Variants in KIRREL3 observed in about 807,000 individuals in gnomAD.
KIRREL3 encodes kirre like nephrin family adhesion molecule 3.
KIRREL3 carries 36 observed loss-of-function variants against 89.7 expected under a neutral mutation model. The observed-to-expected ratio is 0.40, with a 90% CI of 0.31 to 0.53. The LOEUF (loss-of-function observed/expected upper bound fraction) is 0.53, where lower values mean the gene tolerates loss of function less well. Among genes scored for constraint, KIRREL3 ranks in the 20% least tolerant of loss-of-function variants. KIRREL3 has a pLI of 0.49. For missense variants in KIRREL3, 864 were observed against 1,056.6 expected (o/e 0.82, Z 2.53); for synonymous variants, 445 against 441.4 (o/e 1.01, Z -0.10).
intron 1 of KIRREL3, among the ~76,000 whole-genome samples, chr11:126,865,973 T>C (rs1944904754): frequency 6.6e-6 from 1 of 152,130 alleles, no homozygotes; most frequent in African/African-American, 2.4e-5. Flanking sequence ...GCCAGCCCAG[T>C]AGACACAGCC....
In KIRREL3 at chr11:126,445,028, C is replaced by G; in HGVS notation, c.1203G>C (p.Val401=). ...TCTCCCCGGCTCCCACACGGGGCAC[C>G]ACAGCCCGGCACACGTACTTGCCCG... is the stretch of plus-strand genomic sequence containing the variant. The part of the protein sequence containing the change: ...EDAGKYVCRA[V]VPRVGAGERE... The change falls in exon 10 of 17, where the codon GTG becomes GTC. Residue 401 remains valine, a synonymous_variant. Transcript: ENST00000525144. 6.2e-7 allele frequency: 1 copy of G among 1,613,956 alleles called. No individual in the cohort carries two copies. Among genetic ancestry groups the G allele is most frequent in the Non-Finnish European group, 8.5e-7 (1 of 1,179,884 alleles).
At chr11:126,988,151 C>T (rs536091461) in intron 1 of KIRREL3, among the ~76,000 whole-genome samples, 12 of 152,302 alleles carry the variant, frequency 7.9e-5, no homozygotes, top group African/African-American at 2.9e-4. Flanking sequence ...GCTCAACTCT[C>T]CCTAAGCAGA....
intron 1 of KIRREL3, among the ~76,000 whole-genome samples, chr11:126,681,101 A>G (rs577782390): frequency 6.6e-6 from 1 of 152,316 alleles, no homozygotes; most frequent in Non-Finnish European, 1.5e-5. Flanking sequence ...TGCAGCAATG[A>G]CTAAAGGGAC....
intron 11 of KIRREL3, among the ~76,000 whole-genome samples, chr11:126,439,164 AC>A (rs1412770685): frequency 1.3e-5 from 2 of 151,968 alleles, no homozygotes; most frequent in Non-Finnish European, 2.9e-5. Flanking sequence ...AACCTTATCT[AC>A]TAAAAATACA....
intron 1 of KIRREL3, among the ~76,000 whole-genome samples, chr11:126,971,796 T>TATTTTG (rs892067396): frequency 5.3e-5 from 8 of 152,140 alleles, no homozygotes; most frequent in African/African-American, 1.9e-4. Flanking sequence ...AAATCTTGCT[T>TATTTTG]ATTTTGATTC....
chr11:126,705,027 T>C lies in KIRREL3; in HGVS notation c.56-142115A>G, dbSNP rs1172871454. Among the ~76,000 whole-genome samples, 2 of 152,148 alleles carry C rather than the reference T, an allele frequency of 1.3e-5. No homozygotes were observed. The highest frequency in any genetic ancestry group is 2.9e-5 in the Non-Finnish European group (2 of 68,020). The stretch of plus-strand genomic sequence containing the variant: ...CAGAACTGTATTTGTGGGTGGTAAA[T>C]TTATATCTTACCCACTGAATATAGC... On this transcript the variant is annotated intron_variant, in intron 1 of 16. Coordinates refer to ENST00000525144, the MANE Select transcript of KIRREL3 (RefSeq NM_032531.4). This position sits in a 1 kb window ranked among gnomAD's most constrained non-coding sequence, Gnocchi z 4.3.
At chr11:126,885,747 C>T (rs1186373132) in intron 1 of KIRREL3, among the ~76,000 whole-genome samples, 1 of 152,150 alleles carries the variant, frequency 6.6e-6, no homozygotes, top group Non-Finnish European at 1.5e-5. Flanking sequence ...GGCTGGCTCC[C>T]GAGCTACCTT....
chr11:126,730,853 C>A (rs1279539292), intron 1 of KIRREL3, among the ~76,000 whole-genome samples: 1 of 152,184 alleles, frequency 6.6e-6, no homozygotes, highest in South Asian at 2.1e-4. Flanking sequence ...ATTCTCCTGC[C>A]TCAGCCTCCC....
At chr11:126,693,607 C>CCACACACACACACACACACACACA (rs34918602) in intron 1 of KIRREL3, among the ~76,000 whole-genome samples, 12 of 149,984 alleles carry the variant, frequency 8.0e-5, no homozygotes, top group African/African-American at 2.9e-4. Context: ...GTGCCTGTGA[C>CCACACACACACACACACACACACA]CACACACACA....
rs1335506205 is a variant in KIRREL3, at chr11:126,627,270, G to A, written c.56-64358C>T. On this transcript the variant is annotated intron_variant, in intron 1 of 16. Transcript: ENST00000525144. This position sits in a 1 kb window ranked among gnomAD's most constrained non-coding sequence, Gnocchi z 5.0. The stretch of plus-strand genomic sequence containing the variant: ...TTGGGAGAGGTGGCTGTAGGATGCT[G>A]AGGATTCCTGGGGGAGATGAGGAAG... 1.3e-5 allele frequency among the ~76,000 whole-genome samples: 2 copies of A among 152,222 alleles called. No homozygotes were observed. Among genetic ancestry groups the A allele is most frequent in the Admixed American group, 6.5e-5 (1 of 15,282 alleles).
intron 1 of KIRREL3, among the ~76,000 whole-genome samples, chr11:126,671,080 T>A (rs1217957359): frequency 5.3e-5 from 8 of 152,174 alleles, no homozygotes; most frequent in African/African-American, 1.9e-4. Flanking sequence ...TGGCCATCTA[T>A]ATTAGAAACA....
intron 1 of KIRREL3, among the ~76,000 whole-genome samples, chr11:126,868,441 C>G (rs1018796311): frequency 1.3e-5 from 2 of 152,092 alleles, no homozygotes; most frequent in Non-Finnish European, 2.9e-5. Context: ...AGGTGGAGAG[C>G]AAAGGAGGGC....
At position 126,553,413 on chromosome 11, in the gene KIRREL3, A is replaced by C. The variant is rs982975278; in HGVS notation, c.133+9422T>G. ...TAGCTGTGTTTAGAGCCTTCCCACT[A>C]GGGAATCTTCCACATAGCCACTGGC... On this transcript the variant is annotated intron_variant, in intron 2 of 16. Transcript: ENST00000525144. The surrounding 1 kb of genome is among the most constrained non-coding windows in gnomAD (Gnocchi z 4.7). Among the ~76,000 whole-genome samples the C allele has an allele frequency of 6.6e-6, 1 of 152,194 alleles. No homozygotes were observed. Among genetic ancestry groups the C allele is most frequent in the African/African-American group, 2.4e-5 (1 of 41,448 alleles).
At position 126,764,571 on chromosome 11, in the gene KIRREL3, C is replaced by T. The variant is rs143010143; in HGVS notation, c.56-201659G>A. Reference sequence around the variant, plus strand: ...ATGAGGTTCCTGGCAGCTCTTACTGCGCCAGTAACAACTGGATCTCAATCC... The same window carrying T: ...ATGAGGTTCCTGGCAGCTCTTACTGTGCCAGTAACAACTGGATCTCAATCC... On this transcript the variant is annotated intron_variant, in intron 1 of 16. Coordinates refer to ENST00000525144, the MANE Select transcript of KIRREL3 (RefSeq NM_032531.4). This position sits in a 1 kb window ranked among gnomAD's most constrained non-coding sequence, Gnocchi z 4.2. 1.3e-4 allele frequency among the ~76,000 whole-genome samples: 20 copies of T among 152,294 alleles called. No individual in the cohort carries two copies. Among genetic ancestry groups the T allele is most frequent in the South Asian group, 8.3e-4 (4 of 4,816 alleles).
intron 1 of KIRREL3, among the ~76,000 whole-genome samples, chr11:126,852,047 ACCTT>A (rs1944356945): frequency 9.0e-6 from 1 of 111,186 alleles, no homozygotes; most frequent in African/African-American, 3.4e-5. Flanking sequence ...TGGGGCTATA[ACCTT>A]TTTTTTTTTT....
At chr11:126,452,829 C>T (rs894020553) in intron 7 of KIRREL3, among the ~76,000 whole-genome samples, 8 of 152,146 alleles carry the variant, frequency 5.3e-5, no homozygotes, top group Non-Finnish European at 8.8e-5. Context: ...CGACAGAGCC[C>T]GCAGCTCACA....
At chr11:126,866,447 C>T (rs7130627) in intron 1 of KIRREL3, among the ~76,000 whole-genome samples, 2,058 of 152,296 alleles carry the variant, frequency 0.014, 50 homozygotes, top group African/African-American at 0.047. Context: ...AACACCTTTT[C>T]CCCAGGCAAA....
intron 1 of KIRREL3, among the ~76,000 whole-genome samples, chr11:126,692,506 A>G (rs1438940845): frequency 7.9e-6 from 1 of 126,128 alleles, no homozygotes; most frequent in Non-Finnish European, 1.6e-5. Context: ...GACTGCACCA[A>G]TGCACTCCAG....
chr11:126,806,984 C>A (rs184991619), intron 1 of KIRREL3, among the ~76,000 whole-genome samples: 2 of 152,288 alleles, frequency 1.3e-5, no homozygotes, highest in African/African-American at 4.8e-5. Flanking sequence ...TTTCCAGTTT[C>A]ATCCATGTCC....
Sources: allele counts gnomAD v4.1 joint callset (sites outside exome capture counted in the v4.1 genomes callset), GRCh38; gene constraint gnomAD v4.1.1; non-coding constraint Gnocchi (gnomAD v3.1); transcripts MANE v1.5; gene names NCBI Gene and HGNC (gene_info 2026-07-23, HGNC 2026-07-21).